The following GMDS variants were observed in gnomAD, a reference collection of about 807,000 sequenced individuals.
GMDS encodes GDP-mannose 4,6 dehydratase.
GMDS carries 20 observed loss-of-function variants against 49.9 expected under a neutral mutation model. The ratio of observed to expected loss-of-function variants is 0.40; its 90% CI spans 0.28 to 0.58. The LOEUF (loss-of-function observed/expected upper bound fraction) is 0.58. Among genes scored for constraint, GMDS ranks in the 20% least tolerant of loss-of-function variants. GMDS has a pLI of 0.42. For missense variants in GMDS, 362 were observed against 481.4 expected, an observed-to-expected ratio of 0.75 and a Z score of 2.32; for synonymous variants, 177 against 178.6, an observed-to-expected ratio of 0.99 and a Z score of 0.07.
chr6:2,201,104 G>A (rs1196736546), intron 1 of GMDS, among the ~76,000 whole-genome samples: 119 of 84,690 alleles, frequency 1.4e-3, no homozygotes, highest in African/African-American at 1.8e-3. Flanking sequence ...GTTAGCAGAG[G>A]GGTGAAAGAT....
chr6:1,631,641 T>C (rs1763005484), intron 9 of GMDS, among the ~76,000 whole-genome samples: 1 of 152,058 alleles, frequency 6.6e-6, no homozygotes, highest in East Asian at 1.9e-4. Context: ...TAATCCTTCC[T>C]TCCTCCCTCC....
chr6:2,206,592 T>A (rs1169073638), intron 1 of GMDS, among the ~76,000 whole-genome samples: 33 of 152,210 alleles, frequency 2.2e-4, no homozygotes, highest in Admixed American at 2.2e-3. Flanking sequence ...ACCAACCTCA[T>A]ATTCATATAC....
chr6:1,851,061 A>C (rs1757643955), intron 7 of GMDS, among the ~76,000 whole-genome samples: 1 of 152,226 alleles, frequency 6.6e-6, no homozygotes, highest in African/African-American at 2.4e-5. Flanking sequence ...ACAACAGCAA[A>C]TGCTCTATCA....
At chr6:1,811,772 C>T (rs1352272054) in intron 7 of GMDS, among the ~76,000 whole-genome samples, 2 of 152,130 alleles carry the variant, frequency 1.3e-5, no homozygotes, top group South Asian at 2.1e-4. Context: ...GTTTTCTATT[C>T]CTATTTTGCT....
rs537540772 is a variant in GMDS, at chr6:1,818,997, C to G, written c.772-76411G>C. On this transcript the variant is annotated intron_variant, in intron 7 of 10. Transcript: ENST00000380815. ...GGAAAGCCGCATGACTAGATAGAAG[C>G]TGGTATTTACACATATATATTTAAC... is the stretch of plus-strand genomic sequence containing the variant. 4.6e-5 allele frequency among the ~76,000 whole-genome samples: 7 copies of G among 152,162 alleles called. No homozygotes were observed. In the South Asian group the frequency reaches 1.5e-3, roughly 32 times the overall value.
chr6:1,677,917 C>T (rs1322668576), intron 9 of GMDS, among the ~76,000 whole-genome samples: 1 of 152,032 alleles, frequency 6.6e-6, no homozygotes, highest in Non-Finnish European at 1.5e-5. Context: ...GCACGTTGTA[C>T]ACATGCACCC....
At chr6:1,770,518 C>A (rs1480333265) in intron 7 of GMDS, among the ~76,000 whole-genome samples, 1 of 152,242 alleles carries the variant, frequency 6.6e-6, no homozygotes, top group East Asian at 1.9e-4. Flanking sequence ...CTGGGATGGC[C>A]GTTTCCTCCT....
At chr6:1,771,886 T>C (rs1768587659) in intron 7 of GMDS, among the ~76,000 whole-genome samples, 1 of 152,198 alleles carries the variant, frequency 6.6e-6, no homozygotes, top group Non-Finnish European at 1.5e-5. Flanking sequence ...AGAGAAGAGC[T>C]ATCTGAGAAA....
At chr6:1,949,792 A>G (rs1763252835) in intron 6 of GMDS, among the ~76,000 whole-genome samples, 2 of 152,220 alleles carry the variant, frequency 1.3e-5, no homozygotes, top group African/African-American at 4.8e-5. Context: ...CTAACCATTT[A>G]TGGACAGACA....
At chr6:1,762,184 T>G (rs1411285137) in intron 7 of GMDS, among the ~76,000 whole-genome samples, 2 of 152,210 alleles carry the variant, frequency 1.3e-5, no homozygotes, top group Non-Finnish European at 2.9e-5. Flanking sequence ...TTAAGAAAAA[T>G]AAAGCCACCA....
intron 9 of GMDS, among the ~76,000 whole-genome samples, chr6:1,708,940 C>A (rs1031177051): frequency 5.9e-5 from 9 of 152,236 alleles, no homozygotes; most frequent in African/African-American, 1.9e-4. Context: ...TGGGCCCTGA[C>A]CCTTCCTACT....
At chr6:1,700,958 G>A (rs1765523167) in intron 9 of GMDS, among the ~76,000 whole-genome samples, 1 of 152,188 alleles carries the variant, frequency 6.6e-6, no homozygotes, top group African/African-American at 2.4e-5. Context: ...AATCATAACA[G>A]TGAAGTGCAA....
intron 1 of GMDS, among the ~76,000 whole-genome samples, chr6:2,143,955 G>A (rs1181494929): frequency 2.0e-5 from 3 of 152,072 alleles, no homozygotes; most frequent in African/African-American, 7.3e-5. Flanking sequence ...AGTGGTCCAA[G>A]GTTACAGAGA....
chr6:1,940,974 G>A (rs960302850), intron 6 of GMDS, among the ~76,000 whole-genome samples: 2 of 152,166 alleles, frequency 1.3e-5, no homozygotes. Context: ...GTTCACAGGT[G>A]TTGCCAACTT....
chr6:1,937,610 T>A (rs1762613653), intron 6 of GMDS, among the ~76,000 whole-genome samples: 1 of 152,210 alleles, frequency 6.6e-6, no homozygotes, highest in Non-Finnish European at 1.5e-5. Flanking sequence ...TGTGGTCCAA[T>A]CTCTGCCCCC....
intron 1 of GMDS, among the ~76,000 whole-genome samples, chr6:2,165,491 T>C (rs1044854014): frequency 3.3e-5 from 5 of 152,226 alleles, no homozygotes; most frequent in African/African-American, 7.2e-5. Context: ...TTTCAACTCA[T>C]TGGATGGGGC....
intron 9 of GMDS, among the ~76,000 whole-genome samples, chr6:1,631,817 A>C (rs114039907): frequency 6.6e-6 from 1 of 152,202 alleles, no homozygotes; most frequent in African/African-American, 2.4e-5. Flanking sequence ...GACCACATCC[A>C]GATTCTTGCT....
chr6:1,738,705 G>A (rs1046094256), intron 8 of GMDS, among the ~76,000 whole-genome samples: 3 of 152,174 alleles, frequency 2.0e-5, no homozygotes, highest in Non-Finnish European at 2.9e-5. Flanking sequence ...TAATGGCAAT[G>A]CTAATGAGAC....
At chr6:2,018,223 A>G (rs566333380) in intron 4 of GMDS, among the ~76,000 whole-genome samples, 286 of 152,358 alleles carry the variant, frequency 1.9e-3, no homozygotes, top group Non-Finnish European at 3.5e-3. Flanking sequence ...TAATGATTAT[A>G]GAATAGAATT....
Sources: allele counts gnomAD v4.1 joint callset (sites outside exome capture counted in the v4.1 genomes callset), GRCh38; gene constraint gnomAD v4.1.1; transcripts MANE v1.5; gene names NCBI Gene and HGNC (gene_info 2026-07-23, HGNC 2026-07-21).